The following QTGAL variants were observed in gnomAD, a reference collection of about 807,000 sequenced individuals.
The protein encoded by QTGAL is BGnT-like protein 1.
chr17:82,971,188 G>A, the QTGAL span, among the ~76,000 whole-genome samples: 5 of 152,280 alleles, frequency 3.3e-5, no homozygotes, highest in East Asian at 1.9e-4. Context: ...TATCCAGGCC[G>A]GTCTGTGCTC....
the QTGAL span, among the ~76,000 whole-genome samples, chr17:83,038,389 T>C: frequency 6.6e-6 from 1 of 152,190 alleles, no homozygotes; most frequent in African/African-American, 2.4e-5. Context: ...TTCATACAAA[T>C]GGGATATGCC....
chr17:83,025,647 G>T, the QTGAL span, among the ~76,000 whole-genome samples: 1 of 139,302 alleles, frequency 7.2e-6, no homozygotes, highest in Non-Finnish European at 1.6e-5. Flanking sequence ...GGACACCGCG[G>T]AGAGTCCACA....
the QTGAL span, chr17:83,014,460 C>G: frequency 1.2e-6 from 2 of 1,613,976 alleles, no homozygotes; most frequent in Non-Finnish European, 8.5e-7. Flanking sequence ...TTACGCTCGA[C>G]GGGTGCTGAA....
chr17:83,019,069 G>A, the QTGAL span, among the ~76,000 whole-genome samples: 12 of 152,198 alleles, frequency 7.9e-5, no homozygotes, highest in East Asian at 2.1e-3. Flanking sequence ...GACGCACGAT[G>A]ACGCCGCCGG....
the QTGAL span, among the ~76,000 whole-genome samples, chr17:83,022,107 G>T: frequency 6.6e-6 from 1 of 152,196 alleles, no homozygotes; most frequent in Non-Finnish European, 1.5e-5. Flanking sequence ...AGAAAATGAA[G>T]AAAACTTTGG....
the QTGAL span, among the ~76,000 whole-genome samples, chr17:82,999,294 G>A: frequency 6.6e-6 from 1 of 151,662 alleles, no homozygotes; most frequent in Non-Finnish European, 1.5e-5. Flanking sequence ...ACAAAGGCTT[G>A]TACATATGTT....
At chr17:83,016,481 T>G in the QTGAL span, among the ~76,000 whole-genome samples, 4 of 131,970 alleles carry the variant, frequency 3.0e-5, no homozygotes, top group South Asian at 2.5e-4. Flanking sequence ...GGGTGGAGAA[T>G]GGAGGAGTGA....
chr17:82,964,385 T>C, the QTGAL span, among the ~76,000 whole-genome samples: 2 of 151,070 alleles, frequency 1.3e-5, no homozygotes, highest in African/African-American at 4.9e-5. Flanking sequence ...AGAAATTATA[T>C]AATGAAAGAA....
the QTGAL span, among the ~76,000 whole-genome samples, chr17:82,961,961 T>C: frequency 1.4e-5 from 2 of 141,052 alleles, no homozygotes; most frequent in African/African-American, 5.0e-5. Flanking sequence ...CCCTGTCGCT[T>C]TCTTAAATTC....
chr17:83,012,512 G>T, the QTGAL span, among the ~76,000 whole-genome samples: 2 of 152,170 alleles, frequency 1.3e-5, no homozygotes, highest in African/African-American at 2.4e-5. Flanking sequence ...AATCGCTGTG[G>T]CACCTCACAT....
At chr17:82,963,432 G>C in the QTGAL span, among the ~76,000 whole-genome samples, 1 of 152,326 alleles carries the variant, frequency 6.6e-6, no homozygotes, top group Non-Finnish European at 1.5e-5. Context: ...GCGGAACGCA[G>C]GGACATGAAG....
At chr17:83,023,066 G>C in the QTGAL span, among the ~76,000 whole-genome samples, 1 of 73,792 alleles carries the variant, frequency 1.4e-5, no homozygotes, top group Non-Finnish European at 2.8e-5. Flanking sequence ...ACTCACATTA[G>C]CTTAGCACTG....
At chr17:83,014,375 T>C in the QTGAL span, 1 of 1,490,154 alleles carries the variant, frequency 6.7e-7, no homozygotes, top group Non-Finnish European at 9.3e-7. Context: ...TTTCCACCCC[T>C]AGGAAAACTC....
the QTGAL span, among the ~76,000 whole-genome samples, chr17:82,993,976 A>G: frequency 6.6e-6 from 1 of 152,158 alleles, no homozygotes; most frequent in Non-Finnish European, 1.5e-5. Context: ...TGGAAACACA[A>G]CATACCAAAA....
chr17:82,948,763 C>A, the QTGAL span: 1 of 152,212 alleles, frequency 6.6e-6, no homozygotes, highest in Non-Finnish European at 1.5e-5. Flanking sequence ...GATGTTGGGA[C>A]AATTATCCAA....
the QTGAL span, among the ~76,000 whole-genome samples, chr17:83,023,232 G>A: frequency 4.1e-4 from 36 of 87,796 alleles, 1 homozygote; most frequent in East Asian, 5.4e-3. Flanking sequence ...CGGCCCACCT[G>A]CACCAGCGTG....
the QTGAL span, among the ~76,000 whole-genome samples, chr17:82,997,045 C>T: frequency 0.012 from 1,856 of 152,206 alleles, 43 homozygotes; most frequent in African/African-American, 0.042. Flanking sequence ...AATGGGCAGA[C>T]GGGATCACAT....
chr17:83,012,351 T>C, the QTGAL span, among the ~76,000 whole-genome samples: 2 of 152,242 alleles, frequency 1.3e-5, no homozygotes, highest in Non-Finnish European at 2.9e-5. Context: ...ACTCCATTAA[T>C]GAAGCCAATC....
the QTGAL span, among the ~76,000 whole-genome samples, chr17:83,002,879 GCCCGCC>G: frequency 1.1e-4 from 7 of 64,514 alleles, no homozygotes; most frequent in African/African-American, 3.8e-4. Context: ...GGATTCCTGA[GCCCGCC>G]CTCCGCGTGT....
Sources: gnomAD v4.1 joint callset for allele counts (sites outside exome capture counted in the v4.1 genomes callset) on GRCh38, gnomAD v4.1.1 for gene constraint, MANE v1.5 for transcripts, NCBI Gene and HGNC (gene_info 2026-07-23, HGNC 2026-07-21) for gene names.